The following TENM2 variants were observed in gnomAD, a reference collection of about 807,000 sequenced individuals.
TENM2 encodes teneurin transmembrane protein 2.
In TENM2, 52 loss-of-function variants were observed where a neutral mutation model predicts 245.2. That is an observed-to-expected ratio of 0.21 (90% CI 0.17 to 0.27). The LOEUF is 0.27. Among genes scored for constraint, TENM2 ranks in the 10% least tolerant of loss-of-function variants. The pLI, the probability that TENM2 is intolerant of heterozygous loss-of-function variation, is 1.00. For synonymous variants in TENM2, 1,363 were observed against 1,438.9 expected, an observed-to-expected ratio of 0.95 and a Z score of 1.19; for missense variants, 3,046 against 3,666.8, an observed-to-expected ratio of 0.83 and a Z score of 4.37.
At chr5:167,903,219 A>C (rs571239509) in intron 3 of TENM2, among the ~76,000 whole-genome samples, 18 of 152,182 alleles carry the variant, frequency 1.2e-4, no homozygotes, top group Non-Finnish European at 1.0e-4. Context: ...TTCAGCTAAT[A>C]ATAATTGTAC....
intron 3 of TENM2, among the ~76,000 whole-genome samples, chr5:167,891,889 A>G (rs902044824): frequency 6.6e-6 from 1 of 152,184 alleles, no homozygotes; most frequent in Admixed American, 6.5e-5. Flanking sequence ...TCACAGCAGC[A>G]CAGGCTCAGC....
chr5:167,472,508 A>C (rs947836420), intron 2 of TENM2, among the ~76,000 whole-genome samples: 1 of 152,178 alleles, frequency 6.6e-6, no homozygotes, highest in African/African-American at 2.4e-5. Context: ...CATCATGCCT[A>C]AAATTGGCTG....
chr5:167,805,972 C>A (rs960075184), intron 2 of TENM2, among the ~76,000 whole-genome samples: 3 of 152,088 alleles, frequency 2.0e-5, no homozygotes, highest in East Asian at 1.9e-4. Flanking sequence ...AGTGAGAATA[C>A]TTTGGGTTTC....
chr5:167,226,799 T>C, the TENM2 span, among the ~76,000 whole-genome samples: 1 of 152,046 alleles, frequency 6.6e-6, no homozygotes, highest in African/African-American at 2.4e-5. Context: ...CCCACTATTT[T>C]TGCAGTGAGA....
At chr5:168,110,183 T>G (rs1279834494) in intron 9 of TENM2, among the ~76,000 whole-genome samples, 1 of 152,026 alleles carries the variant, frequency 6.6e-6, no homozygotes, top group African/African-American at 2.4e-5. Context: ...GGAAAAACTT[T>G]CGTGCTGGGA....
At chr5:167,462,165 G>T in intron 2 of TENM2, among the ~76,000 whole-genome samples, 1 of 129,900 alleles carries the variant, frequency 7.7e-6, no homozygotes, top group Non-Finnish European at 1.6e-5. Context: ...TGAAACGGGA[G>T]AGTTCCCTGA....
intron 2 of TENM2, among the ~76,000 whole-genome samples, chr5:167,807,624 TAAAAAAAA>T (rs11287928): frequency 0.15 from 21,867 of 149,668 alleles, 1,962 homozygotes; most frequent in East Asian, 0.39. Flanking sequence ...GCATTTTTTT[TAAAAAAAA>T]AAAAAAAGAG....
At chr5:167,600,422 A>T (rs1045269114) in intron 2 of TENM2, among the ~76,000 whole-genome samples, 2 of 152,152 alleles carry the variant, frequency 1.3e-5, no homozygotes, top group Non-Finnish European at 2.9e-5. Context: ...TCTAAATAAA[A>T]TCTATGCTAC....
chr5:167,535,462 A>T (rs1027900321), intron 2 of TENM2, among the ~76,000 whole-genome samples: 5 of 152,126 alleles, frequency 3.3e-5, no homozygotes, highest in African/African-American at 4.8e-5. Context: ...GCAGACATTC[A>T]CTGAAGACTA....
At chr5:167,201,410 T>A in the TENM2 span, among the ~76,000 whole-genome samples, 4,721 of 152,248 alleles carry the variant, frequency 0.031, 129 homozygotes, top group Non-Finnish European at 0.048. Flanking sequence ...TGAATGGTAA[T>A]AACCAGAAAA....
intron 16 of TENM2, 45 bp from the exon 19 acceptor site, chr5:168,199,819 A>C: frequency 6.3e-7 from 1 of 1,589,158 alleles, no homozygotes; most frequent in Non-Finnish European, 8.6e-7. Context: ...GTTTACCTGC[A>C]CAGGTGTGTT....
chr5:167,663,791 C>G (rs889075406), intron 2 of TENM2, among the ~76,000 whole-genome samples: 1 of 151,904 alleles, frequency 6.6e-6, no homozygotes, highest in Non-Finnish European at 1.5e-5. Context: ...AACATATATG[C>G]GTCAAATTTT....
chr5:167,755,173 G>T (rs916182222), intron 2 of TENM2: 7 of 1,598,980 alleles, frequency 4.4e-6, no homozygotes, highest in Non-Finnish European at 5.9e-6. Flanking sequence ...TCCATGGGAA[G>T]GTTGTGATGG....
chr5:167,577,737 C>T (rs937866668), intron 2 of TENM2, among the ~76,000 whole-genome samples: 14 of 152,014 alleles, frequency 9.2e-5, no homozygotes, highest in African/African-American at 3.4e-4. Context: ...AGCTATCGAG[C>T]GCTGACTATA....
At position 168,244,691 on chromosome 5, in the gene TENM2, T is replaced by C; in HGVS notation, c.5792T>C (p.Val1931Ala). 1 of 1,489,622 alleles carries C rather than the reference T, an allele frequency of 6.7e-7. No individual in the cohort carries two copies. The highest frequency in any genetic ancestry group is 9.0e-7 in the Non-Finnish European group (1 of 1,109,220). The allele number at this position is 1,489,622 out of a possible 1,614,324, so 92.3% of individuals were successfully genotyped here. ...TCCCGCATGTTCGCTGACGGGAAAG[T>C]GTGGAGCTACTCCTACCTTGACAAG... Residue 1931 changes from valine (V) to alanine (A), a missense_variant, in exon 26 of 29, where the codon GTG becomes GCG. Val to Ala is a moderately conservative substitution (Grantham distance 64, BLOSUM62 0). Transcript: ENST00000518659. The surrounding 1 kb of genome is among the most constrained non-coding windows in gnomAD (Gnocchi z 4.9).
chr5:167,904,276 G>A (rs914039005), intron 3 of TENM2, among the ~76,000 whole-genome samples: 9 of 152,146 alleles, frequency 5.9e-5, no homozygotes, highest in Admixed American at 2.6e-4. Flanking sequence ...AGGATCATCA[G>A]AGCTGCATCC....
chr5:167,608,163 C>G (rs1010321941), intron 2 of TENM2, among the ~76,000 whole-genome samples: 1 of 152,126 alleles, frequency 6.6e-6, no homozygotes, highest in African/African-American at 2.4e-5. Flanking sequence ...ACTTATAATG[C>G]ATAATATGAA....
chr5:168,027,713 A>G (rs1786751224), intron 5 of TENM2, among the ~76,000 whole-genome samples: 1 of 152,222 alleles, frequency 6.6e-6, no homozygotes, highest in East Asian at 1.9e-4. Flanking sequence ...ATGGAACCTC[A>G]GCTTTGCGTG....
intron 2 of TENM2, among the ~76,000 whole-genome samples, chr5:167,799,989 A>G (rs969227263): frequency 6.6e-6 from 1 of 152,192 alleles, no homozygotes; most frequent in Non-Finnish European, 1.5e-5. Context: ...ATAGCTCAGC[A>G]TCCCCAACTG....
Sources: gnomAD v4.1 joint callset for allele counts (sites outside exome capture counted in the v4.1 genomes callset) on GRCh38, gnomAD v4.1.1 for gene constraint, Gnocchi (gnomAD v3.1) non-coding constraint, MANE v1.5 for transcripts, NCBI Gene and HGNC (gene_info 2026-07-23, HGNC 2026-07-21) for gene names.